AKT3: variants seen among roughly 807,000 people sequenced by gnomAD.
AKT3 encodes AKT serine/threonine kinase 3, also known as RAC-gamma serine/threonine-protein kinase.
In AKT3, 15 loss-of-function variants were observed where a neutral mutation model predicts 65.3. The ratio of observed to expected loss-of-function variants is 0.23; its 90% CI spans 0.15 to 0.35. The LOEUF (loss-of-function observed/expected upper bound fraction) is 0.35, where lower values mean the gene tolerates loss of function less well. Ranked by LOEUF, AKT3 falls within the 10% of genes least tolerant of loss-of-function variation. The pLI is 1.00. For synonymous variants in AKT3, 206 were observed against 183.8 expected, an observed-to-expected ratio of 1.12 and a Z score of -0.98; for missense variants, 243 against 576.5, an observed-to-expected ratio of 0.42 and a Z score of 5.92.
At chr1:243,658,565 C>A (rs976247612) in intron 4 of AKT3, among the ~76,000 whole-genome samples, 3 of 152,056 alleles carry the variant, frequency 2.0e-5, no homozygotes, top group African/African-American at 7.2e-5. Flanking sequence ...TATGAAGATT[C>A]TTCAAAAACT....
chr1:243,686,311 G>C (rs889816161), intron 3 of AKT3, among the ~76,000 whole-genome samples: 1 of 151,972 alleles, frequency 6.6e-6, no homozygotes, highest in African/African-American at 2.4e-5. Flanking sequence ...AGCAGGGTTT[G>C]GGAATGTACC....
chr1:243,587,674 G>A (rs1362231612), intron 8 of AKT3, among the ~76,000 whole-genome samples: 4 of 152,058 alleles, frequency 2.6e-5, no homozygotes, highest in Non-Finnish European at 5.9e-5. Context: ...TCTACACAAG[G>A]ATATTTTCAG....
intron 2 of AKT3, among the ~76,000 whole-genome samples, chr1:243,726,376 A>C (rs1018507205): frequency 6.6e-6 from 1 of 152,216 alleles, no homozygotes; most frequent in African/African-American, 2.4e-5. Flanking sequence ...TGTGGGGTTA[A>C]TATTATTTGA....
At chr1:243,756,983 C>G (rs562384907) in intron 2 of AKT3, among the ~76,000 whole-genome samples, 1 of 152,296 alleles carries the variant, frequency 6.6e-6, no homozygotes, top group East Asian at 1.9e-4. Flanking sequence ...TAGACAAACT[C>G]TAATTATGGG....
chr1:243,635,303 A>C lies in AKT3; in HGVS notation c.561+2308T>G, dbSNP rs565831122. 2.0e-5 allele frequency among the ~76,000 whole-genome samples: 3 copies of C among 152,040 alleles called. No individual in the cohort carries two copies. In the South Asian group the frequency reaches 6.2e-4, roughly 32 times the overall value. On this transcript the variant is annotated intron_variant, in intron 6 of 13. Transcript: ENST00000673466. ...AAAAACAGTGCTAAGGGAGAAATTT[A>C]AAGCCATAAATGCTTATACTAAATA...
chr1:243,574,382 A>C (rs116829775), intron 8 of AKT3, among the ~76,000 whole-genome samples: 1,917 of 152,158 alleles, frequency 0.013, 45 homozygotes, highest in African/African-American at 0.044. Context: ...TAATTATATT[A>C]AAACTAAAAT....
intron 12 of AKT3, among the ~76,000 whole-genome samples, chr1:243,519,379 T>C (rs1401331887): frequency 2.0e-5 from 3 of 152,174 alleles, no homozygotes; most frequent in African/African-American, 4.8e-5. Flanking sequence ...CTTTGAAGAA[T>C]TGTAACAGGA....
intron 12 of AKT3, among the ~76,000 whole-genome samples, chr1:243,532,016 GTA>G (rs1190314009): frequency 6.6e-6 from 1 of 152,192 alleles, no homozygotes; most frequent in Admixed American, 6.5e-5. Context: ...ACGTGTGTGT[GTA>G]TGTTTTAGGG....
intron 2 of AKT3, among the ~76,000 whole-genome samples, chr1:243,775,593 A>G (rs1690497612): frequency 6.6e-6 from 1 of 152,230 alleles, no homozygotes; most frequent in Non-Finnish European, 1.5e-5. Flanking sequence ...TGTGGAGACA[A>G]TGACTACCAA....
chr1:243,849,059 G>C (rs1411337649), intron 1 of AKT3, among the ~76,000 whole-genome samples: 3 of 152,154 alleles, frequency 2.0e-5, no homozygotes, highest in African/African-American at 7.2e-5. Flanking sequence ...GTAGATTCCC[G>C]GGAAATCCCA....
intron 2 of AKT3, among the ~76,000 whole-genome samples, chr1:243,748,491 T>G (rs1275086851): frequency 6.6e-6 from 1 of 152,180 alleles, no homozygotes; most frequent in Non-Finnish European, 1.5e-5. Context: ...GCTTTATTAG[T>G]GCTTATAAAA....
intron 13 of AKT3, chr1:243,489,150 A>T: frequency 6.2e-7 from 1 of 1,611,524 alleles, no homozygotes; most frequent in Non-Finnish European, 8.5e-7. Flanking sequence ...GGTACTGTGC[A>T]GAACGCGGCG....
At chr1:243,800,595 G>A (rs981611697) in intron 2 of AKT3, among the ~76,000 whole-genome samples, 2 of 152,096 alleles carry the variant, frequency 1.3e-5, no homozygotes, top group Admixed American at 6.5e-5. Context: ...GCGCACACCT[G>A]TAGTCCCAGC....
At chr1:243,601,869 T>C (rs1218274828) in intron 8 of AKT3, among the ~76,000 whole-genome samples, 2 of 152,220 alleles carry the variant, frequency 1.3e-5, no homozygotes, top group East Asian at 1.9e-4. Context: ...TTTGTGTCAC[T>C]GCCCTCTTTT....
chr1:243,489,106 G>T, intron 13 of AKT3: 1 of 1,613,128 alleles, frequency 6.2e-7, no homozygotes, highest in African/African-American at 1.3e-5. Context: ...GAGAGGCAGA[G>T]CCTGTCGGAA....
intron 2 of AKT3, among the ~76,000 whole-genome samples, chr1:243,748,199 T>C (rs893885191): frequency 6.6e-6 from 1 of 152,214 alleles, no homozygotes; most frequent in Non-Finnish European, 1.5e-5. Flanking sequence ...ATTGCATAGC[T>C]ATCCAAAATT....
chr1:243,539,339 T>C (rs1188279434), intron 12 of AKT3, among the ~76,000 whole-genome samples: 2 of 152,170 alleles, frequency 1.3e-5, no homozygotes, highest in African/African-American at 4.8e-5. Context: ...TTATTAATAA[T>C]ATTTCCCTTC....
chr1:243,508,051 T>G (rs935667070), intron 13 of AKT3, among the ~76,000 whole-genome samples: 1 of 152,212 alleles, frequency 6.6e-6, no homozygotes, highest in African/African-American at 2.4e-5. Context: ...TAACGAATGG[T>G]ACTACCCTGG....
intron 2 of AKT3, among the ~76,000 whole-genome samples, chr1:243,789,214 CAA>C (rs1449030165): frequency 1.3e-5 from 2 of 152,124 alleles, no homozygotes; most frequent in Non-Finnish European, 1.5e-5. Context: ...CCTGTCTGTA[CAA>C]AAGATAATTT....
Sources: allele counts gnomAD v4.1 joint callset (sites outside exome capture counted in the v4.1 genomes callset), GRCh38; gene constraint gnomAD v4.1.1; transcripts MANE v1.5; gene names NCBI Gene and HGNC (gene_info 2026-07-23, HGNC 2026-07-21).